The following NTRK3 variants were observed in gnomAD, a reference collection of about 807,000 sequenced individuals.
The protein encoded by NTRK3 is neurotrophic receptor tyrosine kinase 3.
A neutral mutation model predicts 91.7 loss-of-function variants in NTRK3; 24 were observed. The ratio of observed to expected loss-of-function variants is 0.26; its 90% CI spans 0.19 to 0.37. NTRK3 has a LOEUF of 0.37. Ranked by LOEUF, NTRK3 falls within the 10% of genes least tolerant of loss-of-function variation. The probability of loss-of-function intolerance (pLI) is 1.00; values close to 1 mark genes in which losing one functional copy is unlikely to be tolerated. For synonymous variants in NTRK3, 483 were observed against 404.0 expected (o/e 1.20, Z -2.34); for missense variants, 880 against 1,068.9 (o/e 0.82, Z 2.46).
chr15:88,025,623 G>A (rs182662217), intron 14 of NTRK3, among the ~76,000 whole-genome samples: 3 of 152,342 alleles, frequency 2.0e-5, no homozygotes, highest in Admixed American at 2.0e-4. Flanking sequence ...AAACTAGGAA[G>A]AGGAAAGGAA....
At chr15:88,048,349 C>T (rs1017854536) in intron 13 of NTRK3, among the ~76,000 whole-genome samples, 8 of 152,282 alleles carry the variant, frequency 5.3e-5, no homozygotes, top group Admixed American at 1.3e-4. Context: ...ATATTCCTGA[C>T]GGGCTATCAA....
chr15:88,108,518 C>T (rs7175493), intron 13 of NTRK3, among the ~76,000 whole-genome samples: 90,968 of 152,052 alleles, frequency 0.6, 28,139 homozygotes, highest in African/African-American at 0.75. Flanking sequence ...TGTGATCTAC[C>T]CTCTCCAACT....
At chr15:88,220,800 C>T (rs922639539) in intron 3 of NTRK3, among the ~76,000 whole-genome samples, 2 of 152,182 alleles carry the variant, frequency 1.3e-5, no homozygotes, top group Admixed American at 1.3e-4. Flanking sequence ...CCCATTCCCA[C>T]CCCACAGTCA....
intron 3 of NTRK3, among the ~76,000 whole-genome samples, chr15:88,223,607 C>T (rs559249309): frequency 6.2e-4 from 95 of 152,344 alleles, no homozygotes; most frequent in African/African-American, 2.0e-3. Context: ...TCCAATGCAA[C>T]GCCACCACTT....
chr15:88,024,184 C>T (rs1197475564), intron 14 of NTRK3, among the ~76,000 whole-genome samples: 1 of 152,174 alleles, frequency 6.6e-6, no homozygotes, highest in Non-Finnish European at 1.5e-5. Flanking sequence ...AGGAGATAAG[C>T]CGCTTGCACA....
At chr15:88,153,788 G>C (rs1009333158) in intron 5 of NTRK3, among the ~76,000 whole-genome samples, 2 of 151,812 alleles carry the variant, frequency 1.3e-5, no homozygotes, top group Non-Finnish European at 1.5e-5. Context: ...GCTAGCTCTC[G>C]GGGGCCTCTT....
chr15:87,958,175 G>T (rs151171539), intron 14 of NTRK3, among the ~76,000 whole-genome samples: 83 of 152,280 alleles, frequency 5.5e-4, no homozygotes, highest in Non-Finnish European at 8.1e-4. Flanking sequence ...CATAAAAGGC[G>T]TGTTTCACAT....
chr15:87,907,205 G>A (rs548459292), intron 17 of NTRK3, among the ~76,000 whole-genome samples: 8 of 152,110 alleles, frequency 5.3e-5, no homozygotes, highest in South Asian at 4.1e-4. Flanking sequence ...AACCCGATGC[G>A]ACTGAAATAC....
intron 14 of NTRK3, among the ~76,000 whole-genome samples, chr15:87,952,662 C>T (rs533111896): frequency 1.4e-4 from 21 of 152,344 alleles, no homozygotes; most frequent in African/African-American, 5.1e-4. Flanking sequence ...TTCCGCGTGA[C>T]CTCTGCATTT....
rs903554606 is a variant in NTRK3, at chr15:88,014,718, G to C, written c.1585+18139C>G. Among the ~76,000 whole-genome samples, 122 of 152,338 alleles carry C rather than the reference G, an allele frequency of 8.0e-4. 1 individual carries two copies. The highest frequency in any genetic ancestry group is 2.9e-3 in the African/African-American group (121 of 41,586). On this transcript the variant is annotated intron_variant, in intron 14 of 18. Transcript: ENST00000394480. ...TCTCTCAGGTGCTCAAGGAATAAAT[G>C]CTTCTTGGATGCTTCCCCGCCTACC...
At chr15:88,044,448 A>G (rs2079966129) in intron 13 of NTRK3, among the ~76,000 whole-genome samples, 1 of 151,454 alleles carries the variant, frequency 6.6e-6, no homozygotes, top group South Asian at 2.1e-4. Context: ...TTTTTAGTAG[A>G]GACAGGGTTT....
At chr15:88,162,133 C>A (rs2044512857) in intron 5 of NTRK3, among the ~76,000 whole-genome samples, 1 of 152,208 alleles carries the variant, frequency 6.6e-6, no homozygotes, top group East Asian at 1.9e-4. Context: ...CCCAGATACT[C>A]TGAAGCACCA....
chr15:88,229,298 T>C (rs544915613), intron 3 of NTRK3, among the ~76,000 whole-genome samples: 18 of 152,298 alleles, frequency 1.2e-4, no homozygotes, highest in South Asian at 4.1e-4. Flanking sequence ...AGAGGTTACA[T>C]GACTTATCCA....
exon 19 of NTRK3, chr15:87,860,533 A>G (rs2064497890): frequency 5.0e-6 from 1 of 201,798 alleles, no homozygotes; most frequent in East Asian, 7.6e-5. Flanking sequence ...TACTTAGACA[A>G]TAAACCTCTT....
chr15:87,881,959 G>C (rs2141482313), intron 17 of NTRK3, among the ~76,000 whole-genome samples: 1 of 152,184 alleles, frequency 6.6e-6, no homozygotes, highest in African/African-American at 2.4e-5. Context: ...GCAGTGGCGC[G>C]ATCTCCGCTC....
intron 3 of NTRK3, among the ~76,000 whole-genome samples, chr15:88,196,899 C>T (rs1597891610): frequency 6.6e-6 from 1 of 152,210 alleles, no homozygotes; most frequent in Admixed American, 6.5e-5. Flanking sequence ...TTCCCCTGAA[C>T]TCTAAAGAGC....
exon 19 of NTRK3, chr15:87,871,793 A>G (rs374372327): frequency 4.5e-6 from 1 of 221,808 alleles, no homozygotes; most frequent in Admixed American, 5.8e-5. Flanking sequence ...AGCCATTCCA[A>G]TCCAATATAT....
At chr15:88,191,449 A>C (rs948301839) in intron 3 of NTRK3, among the ~76,000 whole-genome samples, 4 of 152,158 alleles carry the variant, frequency 2.6e-5, no homozygotes, top group Non-Finnish European at 5.9e-5. Flanking sequence ...AGGCCTCCGG[A>C]TGTTTTTTAT....
intron 17 of NTRK3, among the ~76,000 whole-genome samples, chr15:87,899,020 T>C (rs942518139): frequency 1.3e-5 from 2 of 152,090 alleles, no homozygotes; most frequent in African/African-American, 2.4e-5. Context: ...ACAACTCTAA[T>C]TGCAACTGTT....
Sources: gnomAD v4.1 joint callset for allele counts (sites outside exome capture counted in the v4.1 genomes callset) on GRCh38, gnomAD v4.1.1 for gene constraint, MANE v1.5 for transcripts, NCBI Gene and HGNC (gene_info 2026-07-23, HGNC 2026-07-21) for gene names.